CCDC85C: variants seen among roughly 807,000 people sequenced by gnomAD.
CCDC85C encodes coiled-coil domain-containing protein 85C.
CCDC85C carries 18 observed loss-of-function variants against 38.3 expected under a neutral mutation model. That is an observed-to-expected ratio of 0.47 (90% confidence interval 0.33 to 0.70). CCDC85C has a LOEUF of 0.70. Among genes scored for constraint, CCDC85C ranks in the 30% least tolerant of loss-of-function variants. CCDC85C has a pLI of 0.03. For synonymous variants in CCDC85C, 264 were observed against 293.8 expected, an observed-to-expected ratio of 0.90 and a Z score of 1.04; for missense variants, 566 against 621.2, an observed-to-expected ratio of 0.91 and a Z score of 0.94.
intron 1 of CCDC85C, among the ~76,000 whole-genome samples, chr14:99,559,843 C>A (rs1898083104): frequency 6.6e-6 from 1 of 152,110 alleles, no homozygotes; most frequent in Non-Finnish European, 1.5e-5. Context: ...GCAGGTGGGC[C>A]CGCAGCCAGC....
chr14:99,521,238 C>T (rs1223061730), intron 3 of CCDC85C, among the ~76,000 whole-genome samples: 2 of 152,240 alleles, frequency 1.3e-5, no homozygotes, highest in Non-Finnish European at 2.9e-5. Flanking sequence ...AGCCACGGGA[C>T]TCCGGATAAA....
intron 2 of CCDC85C, among the ~76,000 whole-genome samples, chr14:99,531,083 T>C (rs1201909914): frequency 6.6e-6 from 1 of 152,182 alleles, no homozygotes; most frequent in Non-Finnish European, 1.5e-5. Context: ...CTAGTGTGAA[T>C]TCTGGGTCTC....
Position 99,502,042 on chromosome 14 carries a change from G to GAA in CCDC85C, c.*13203_*13204insTT. ...AACTATGGTTAAAGTAACTTAGTCG[G>GAA]GTACCTTTAGAAGAGTAAAGACTTG... On this transcript the variant is annotated 3_prime_UTR_variant, in exon 6 of 6. Coordinates refer to ENST00000380243, the MANE Select transcript of CCDC85C (RefSeq NM_001144995.2). 1 of 691,650 alleles carries GAA rather than the reference G, an allele frequency of 1.4e-6. No homozygotes were observed. The highest frequency in any genetic ancestry group is 2.1e-6 in the Non-Finnish European group (1 of 467,500). The allele number at this position is 691,650 out of a possible 1,614,324, so 42.8% of individuals were successfully genotyped here.
intron 1 of CCDC85C, among the ~76,000 whole-genome samples, chr14:99,599,313 G>A (rs976861444): frequency 8.5e-5 from 13 of 152,142 alleles, no homozygotes; most frequent in Middle Eastern, 3.2e-3. Context: ...CTCCAGGTTG[G>A]CTAAAGGGGA....
Position 99,510,141 on chromosome 14 carries a change from C to T in CCDC85C, c.*5105G>A, listed in dbSNP as rs200683291. ...TGCTGGCGGAGGCCGGGCACTGATGCGTCTCTCTCCTGCAGACCGGAAGCC... is the reference window on the plus strand; with the variant it reads ...TGCTGGCGGAGGCCGGGCACTGATGTGTCTCTCTCCTGCAGACCGGAAGCC... On this transcript the variant is annotated 3_prime_UTR_variant, in exon 6 of 6. Transcript: ENST00000380243. 29 of 1,587,162 alleles carry T rather than the reference C, an allele frequency of 1.8e-5. No individual in the cohort carries two copies. The East Asian group carries it at 4.1e-4, about 22-fold the overall frequency.
chr14:99,599,838 G>A (rs2055181090), intron 1 of CCDC85C, among the ~76,000 whole-genome samples: 1 of 152,210 alleles, frequency 6.6e-6, no homozygotes, highest in Non-Finnish European at 1.5e-5. Flanking sequence ...TGGTGCCATT[G>A]CACTCTAGCC....
rs1267750574 is a variant in CCDC85C, at chr14:99,502,349, C to G, written c.*12897G>C. 1.9e-6 allele frequency: 3 copies of G among 1,613,634 alleles called. No homozygotes were observed. Among genetic ancestry groups the G allele is most frequent in the Non-Finnish European group, 2.5e-6 (3 of 1,179,810 alleles). On this transcript the variant is annotated 3_prime_UTR_variant, in exon 6 of 6. Transcript: ENST00000380243. ...TAGGAGATGGTGGGAGCAGTTTGTTCAAGATGTCCCGGTCGACGTTTTGGA... is the reference window on the plus strand; with the variant it reads ...TAGGAGATGGTGGGAGCAGTTTGTTGAAGATGTCCCGGTCGACGTTTTGGA...
chr14:99,600,032 C>A (rs1215631925), intron 1 of CCDC85C, among the ~76,000 whole-genome samples: 1 of 152,230 alleles, frequency 6.6e-6, no homozygotes, highest in Non-Finnish European at 1.5e-5. Flanking sequence ...CCCAGGGCAC[C>A]CAGCAGGGCT....
intron 1 of CCDC85C, among the ~76,000 whole-genome samples, chr14:99,563,036 C>T (rs890309348): frequency 5.9e-5 from 9 of 152,220 alleles, no homozygotes; most frequent in African/African-American, 2.2e-4. Context: ...TATAATGCCA[C>T]TTAATTACCT....
Position 99,516,994 on chromosome 14 carries a change from CT to C in CCDC85C, c.1071+93del. 8.3e-7 allele frequency: 1 copy of C among 1,200,566 alleles called. No homozygotes were observed. Among genetic ancestry groups the C allele is most frequent in the Non-Finnish European group, 1.2e-6 (1 of 828,396 alleles). The allele number at this position is 1,200,566 out of a possible 1,614,324, so 74.4% of individuals were successfully genotyped here. A position where few individuals can be genotyped will look rare whatever the true frequency, so the allele number is the denominator to read the frequency against. ...CACACACAGATGAAACCTCCCACCC[CT>C]GCCACTTGGATACCCCTAGGTGCAA... On this transcript the variant is annotated intron_variant, in intron 4 of 5. Transcript: ENST00000380243. The surrounding 1 kb of genome is among the most constrained non-coding windows in gnomAD (Gnocchi z 5.5).
rs573208081 is a variant in CCDC85C, at chr14:99,535,623, C to G, written c.867+392G>C. Among the ~76,000 whole-genome samples, 5 of 152,240 alleles carry G rather than the reference C, an allele frequency of 3.3e-5. No individual in the cohort carries two copies. The East Asian group carries it at 9.7e-4, about 29-fold the overall frequency. ...CAGGAGGGAGGAGGGGAACCCAGCC[C>G]AGGGAGGTACCGGCCAGTGAGTCCA... On this transcript the variant is annotated intron_variant, in intron 2 of 5. Coordinates refer to ENST00000380243, the MANE Select transcript of CCDC85C (RefSeq NM_001144995.2). The surrounding 1 kb of genome is among the most constrained non-coding windows in gnomAD (Gnocchi z 5.5).
intron 1 of CCDC85C, among the ~76,000 whole-genome samples, chr14:99,600,714 A>AG (rs2055189664): frequency 4.9e-5 from 1 of 20,378 alleles, no homozygotes; most frequent in Non-Finnish European, 7.6e-4. Flanking sequence ...CTGCTTCCCC[A>AG]GGGTTCCTGT....
At position 99,510,675 on chromosome 14, in the gene CCDC85C, C is replaced by G; in HGVS notation, c.*4571G>C. 1 of 1,420,670 alleles carries G rather than the reference C, an allele frequency of 7.0e-7. No individual in the cohort carries two copies. The highest frequency in any genetic ancestry group is 9.2e-7 in the Non-Finnish European group (1 of 1,087,326). 88.0% of individuals were successfully genotyped at this position (1,420,670 alleles called of 1,614,324 possible). The stretch of plus-strand genomic sequence containing the variant: ...GTTGGGCCTGCCGCCAGCCAGCTAC[C>G]CACCTCCTGCCGTCCCCCCTGGAGG... On this transcript the variant is annotated 3_prime_UTR_variant, in exon 6 of 6. Coordinates refer to ENST00000380243, the MANE Select transcript of CCDC85C (RefSeq NM_001144995.2).
At chr14:99,589,459 G>A (rs4900435) in intron 1 of CCDC85C, among the ~76,000 whole-genome samples, 65,697 of 152,052 alleles carry the variant, frequency 0.43, 17,773 homozygotes, top group Non-Finnish European at 0.6. Flanking sequence ...TCCCGACCAC[G>A]AACGTGCATT....
At chr14:99,554,596 C>T (rs535315968) in intron 1 of CCDC85C, among the ~76,000 whole-genome samples, 2 of 152,298 alleles carry the variant, frequency 1.3e-5, no homozygotes, top group South Asian at 2.1e-4. Context: ...ATGAGGACCC[C>T]GGTCAATGGG....
In CCDC85C at chr14:99,569,045, G is replaced by A. The variant is rs576706845; in HGVS notation, c.794-32957C>T. Among the ~76,000 whole-genome samples, 65 of 152,216 alleles carry A rather than the reference G, an allele frequency of 4.3e-4. No individual in the cohort carries two copies. Among genetic ancestry groups the A allele is most frequent in the Non-Finnish European group, 5.9e-4 (40 of 67,986 alleles). ...AGGGTTCCTGGGGACCCCAGGAGGCGTCACTGCAGACAGAGGCAGCTCAAA... is the reference window on the plus strand; with the variant it reads ...AGGGTTCCTGGGGACCCCAGGAGGCATCACTGCAGACAGAGGCAGCTCAAA... On this transcript the variant is annotated intron_variant, in intron 1 of 5. Transcript: ENST00000380243. This position sits in a 1 kb window ranked among gnomAD's most constrained non-coding sequence, Gnocchi z 4.3.
At chr14:99,589,085 C>T (rs2055056722) in intron 1 of CCDC85C, among the ~76,000 whole-genome samples, 1 of 152,070 alleles carries the variant, frequency 6.6e-6, no homozygotes, top group Non-Finnish European at 1.5e-5. Context: ...AGGAAAGAGG[C>T]CCAAGCAGTG....
rs58957780 is a variant in CCDC85C, at chr14:99,578,107, A to AGTGT, written c.793+25056_793+25059dup. Among the ~76,000 whole-genome samples the AGTGT allele has an allele frequency of 1.2e-3, 91 of 76,100 alleles. 2 individuals carry two copies. Among genetic ancestry groups the AGTGT allele is most frequent in the East Asian group, 1.5e-3 (3 of 1,990 alleles). 49.9% of individuals were successfully genotyped at this position (76,100 alleles called of 152,430 possible). A position where few individuals can be genotyped will look rare whatever the true frequency, so the allele number is the denominator to read the frequency against. On this transcript the variant is annotated intron_variant, in intron 1 of 5. Transcript: ENST00000380243. ...TACAGCCCGTCCTGTATCCCCCATCAGTGTGTGTGTGTGTGTGTGTGTGTG... is the reference window on the plus strand; with the variant it reads ...TACAGCCCGTCCTGTATCCCCCATCAGTGTGTGTGTGTGTGTGTGTGTGTGTGTG...
chr14:99,594,571 G>C (rs550675923), intron 1 of CCDC85C, among the ~76,000 whole-genome samples: 3 of 152,340 alleles, frequency 2.0e-5, no homozygotes, highest in South Asian at 4.1e-4. Context: ...GAATTCCCAG[G>C]AATATAAAAG....
Sources: allele counts gnomAD v4.1 joint callset (sites outside exome capture counted in the v4.1 genomes callset), GRCh38; gene constraint gnomAD v4.1.1; non-coding constraint Gnocchi (gnomAD v3.1); transcripts MANE v1.5; gene names NCBI Gene and HGNC (gene_info 2026-07-23, HGNC 2026-07-21).